The following C8orf34 variants were observed in gnomAD, a reference collection of about 807,000 sequenced individuals.
C8orf34 encodes the protein uncharacterized protein C8orf34.
A neutral mutation model predicts 68.3 loss-of-function variants in C8orf34; 65 were observed. That is an observed-to-expected ratio of 0.95 (90% CI 0.78 to 1.17). The LOEUF is 1.17. Among genes scored for constraint, C8orf34 ranks in the 50% most tolerant of loss-of-function variants. The pLI is 0.00. For missense variants in C8orf34, 664 were observed against 655.4 expected, an observed-to-expected ratio of 1.01 and a Z score of -0.14; for synonymous variants, 244 against 241.2, an observed-to-expected ratio of 1.01 and a Z score of -0.11.
intron 7 of C8orf34, among the ~76,000 whole-genome samples, chr8:68,614,717 A>C (rs1200807383): frequency 6.6e-6 from 1 of 152,020 alleles, no homozygotes. Flanking sequence ...TGAAGTCAGG[A>C]AGCCTGATGC....
rs537271105 is a variant in C8orf34 at position 68,505,670 on chromosome 8, G to C, written c.766-16129G>C. Among the ~76,000 whole-genome samples the C allele has an allele frequency of 3.1e-5, 3 of 96,462 alleles. 1 individual carries two copies. The highest frequency in any genetic ancestry group is 2.7e-4 in the African/African-American group (3 of 10,984). 63.3% of individuals were successfully genotyped at this position (96,462 alleles called of 152,430 possible). ...GGCGTGAACCCGGGAAGCGGAGCTT[G>C]CCGTGAGCCGAGATTGCGCCACTGC... is the stretch of plus-strand genomic sequence containing the variant. On this transcript the variant is annotated intron_variant, in intron 5 of 13. Transcript: ENST00000518698.
At chr8:68,439,913 T>C (rs564372724) in intron 2 of C8orf34, among the ~76,000 whole-genome samples, 61 of 152,320 alleles carry the variant, frequency 4.0e-4, no homozygotes, top group African/African-American at 1.4e-3. Context: ...TTTTATCCTG[T>C]ATAAATTCAG....
chr8:68,721,549 C>A, intron 10 of C8orf34, 112 bp downstream of exon 10: 1 of 716,984 alleles, frequency 1.4e-6, no homozygotes, highest in Non-Finnish European at 2.3e-6. Context: ...ATTAATTAGG[C>A]TGTTCTAAGT....
rs529990235 is a variant in C8orf34, at chr8:68,417,892, C to T, written c.328-21607C>T. ...CTGTAAATTACCTTGGGCAGTATGG[C>T]CATTTTCAAGATATTGATTCTTCCT... On this transcript the variant is annotated intron_variant, in intron 1 of 13. Transcript: ENST00000518698. 2.0e-5 allele frequency among the ~76,000 whole-genome samples: 3 copies of T among 151,724 alleles called. 1 individual carries two copies. The highest frequency in any genetic ancestry group is 1.5e-5 in the Non-Finnish European group (1 of 67,968).
At chr8:68,574,228 ATTATC>A (rs2130291054) in intron 7 of C8orf34, among the ~76,000 whole-genome samples, 1 of 152,196 alleles carries the variant, frequency 6.6e-6, no homozygotes, top group South Asian at 2.1e-4. Context: ...AGGTGAAATA[ATTATC>A]TTAATTCAAA....
At chr8:68,556,652 T>C (rs1194225813) in intron 7 of C8orf34, among the ~76,000 whole-genome samples, 1 of 152,118 alleles carries the variant, frequency 6.6e-6, no homozygotes, top group Admixed American at 6.6e-5. Flanking sequence ...AGGACGACCC[T>C]GCGAATCAGA....
chr8:68,354,421 A>G (rs530530716), intron 1 of C8orf34, among the ~76,000 whole-genome samples: 1 of 152,256 alleles, frequency 6.6e-6, no homozygotes, highest in Non-Finnish European at 1.5e-5. Context: ...AGCTTACCAC[A>G]GACTAGAATT....
At chr8:68,762,662 G>A (rs1016387916) in intron 10 of C8orf34, among the ~76,000 whole-genome samples, 6 of 152,130 alleles carry the variant, frequency 3.9e-5, no homozygotes, top group African/African-American at 1.2e-4. Context: ...CTCAAAAGAT[G>A]TTTGCTTTGA....
At chr8:68,738,661 A>G (rs1822189710) in intron 10 of C8orf34, among the ~76,000 whole-genome samples, 1 of 152,146 alleles carries the variant, frequency 6.6e-6, no homozygotes, top group Non-Finnish European at 1.5e-5. Context: ...AAGCACATCT[A>G]TGCAGATAAG....
chr8:68,520,800 G>A (rs2129665909), intron 5 of C8orf34, among the ~76,000 whole-genome samples: 1 of 152,138 alleles, frequency 6.6e-6, no homozygotes, highest in South Asian at 2.1e-4. Context: ...CAAGACTATT[G>A]TAATAGTAAA....
At chr8:68,699,848 A>G (rs1820936838) in intron 8 of C8orf34, among the ~76,000 whole-genome samples, 1 of 152,168 alleles carries the variant, frequency 6.6e-6, no homozygotes, top group Non-Finnish European at 1.5e-5. Flanking sequence ...AAATTTGATT[A>G]GAAAGTTACA....
intron 7 of C8orf34, among the ~76,000 whole-genome samples, chr8:68,633,872 GT>G (rs11325092): frequency 0.65 from 95,961 of 148,606 alleles, 31,027 homozygotes; most frequent in African/African-American, 0.68. Context: ...CCTTGTAGGA[GT>G]TTTTTTTTTT....
chr8:68,505,136 T>C (rs1027258916), intron 5 of C8orf34, among the ~76,000 whole-genome samples: 6 of 152,116 alleles, frequency 3.9e-5, no homozygotes, highest in African/African-American at 1.4e-4. Context: ...TTGTGCCACT[T>C]TACATTCCCA....
Position 68,749,614 on chromosome 8 carries a change from T to TA in C8orf34, c.1405-26785_1405-26784insA, listed in dbSNP as rs1294050934. Among the ~76,000 whole-genome samples the TA allele has an allele frequency of 3.3e-5, 5 of 152,156 alleles. No homozygotes were observed. The East Asian group carries it at 9.6e-4, about 29-fold the overall frequency. ...TAGTTAATAATATCCATGTCTGCTC[T>TA]TAGACCCAGGAAGCCACTGATATAC... On this transcript the variant is annotated intron_variant, in intron 10 of 13. Coordinates refer to ENST00000518698, the MANE Select transcript of C8orf34 (RefSeq NM_052958.4).
intron 10 of C8orf34, among the ~76,000 whole-genome samples, chr8:68,770,015 G>C (rs1161751827): frequency 6.6e-6 from 1 of 152,114 alleles, no homozygotes; most frequent in Non-Finnish European, 1.5e-5. Context: ...CAAGTAGATG[G>C]GGGACAAGAG....
At chr8:68,543,957 C>A (rs185656129) in intron 7 of C8orf34, among the ~76,000 whole-genome samples, 1 of 152,064 alleles carries the variant, frequency 6.6e-6, no homozygotes, top group Admixed American at 6.6e-5. Flanking sequence ...TGTTTCACCC[C>A]GGCTTTCCTC....
intron 8 of C8orf34, among the ~76,000 whole-genome samples, chr8:68,698,161 T>C (rs1303024879): frequency 6.6e-6 from 1 of 152,112 alleles, no homozygotes; most frequent in Non-Finnish European, 1.5e-5. Flanking sequence ...TGATACTGTA[T>C]ATCACTGGTG....
chr8:68,569,545 A>G (rs185424166), intron 7 of C8orf34, among the ~76,000 whole-genome samples: 1 of 152,276 alleles, frequency 6.6e-6, no homozygotes, highest in African/African-American at 2.4e-5. Context: ...GATCCCAGAC[A>G]ACCAAAACCA....
intron 7 of C8orf34, among the ~76,000 whole-genome samples, chr8:68,630,520 C>T (rs1219366490): frequency 1.3e-5 from 2 of 151,912 alleles, no homozygotes; most frequent in African/African-American, 2.4e-5. Context: ...TACACTATAT[C>T]CATGATATTT....
Sources: gnomAD v4.1 joint callset for allele counts (sites outside exome capture counted in the v4.1 genomes callset) on GRCh38, gnomAD v4.1.1 for gene constraint, MANE v1.5 for transcripts, NCBI Gene and HGNC (gene_info 2026-07-23, HGNC 2026-07-21) for gene names.